ANGPT1: variants seen among roughly 807,000 people sequenced by gnomAD.
ANGPT1 encodes the protein angiopoietin 1, also known as angiopoietin-1.
ANGPT1 carries 17 observed loss-of-function variants against 62.2 expected under a neutral mutation model. The ratio of observed to expected loss-of-function variants is 0.27; its 90% CI spans 0.19 to 0.41. The LOEUF is 0.41. ANGPT1 is among the 10% of genes least tolerant of loss of function. The pLI, the probability that ANGPT1 is intolerant of heterozygous loss-of-function variation, is 1.00. For missense variants in ANGPT1, 478 were observed against 594.9 expected (o/e 0.80, Z 2.04); for synonymous variants, 199 against 198.9 (o/e 1.00, Z 0.00).
intron 4 of ANGPT1, among the ~76,000 whole-genome samples, chr8:107,317,634 AT>A (rs34242211): frequency 0.78 from 104,208 of 134,032 alleles, 38,247 homozygotes; most frequent in East Asian, 0.82. Flanking sequence ...TTTTATTTTT[AT>A]TTTTTTTTTT....
intron 2 of ANGPT1, among the ~76,000 whole-genome samples, chr8:107,338,020 T>A (rs182040165): frequency 8.8e-4 from 134 of 152,198 alleles, no homozygotes; most frequent in African/African-American, 3.2e-3. Flanking sequence ...CACTTGGGCC[T>A]GGCAGGCAGA....
intron 3 of ANGPT1, among the ~76,000 whole-genome samples, chr8:107,333,743 C>A (rs535970930): frequency 3.9e-4 from 59 of 151,860 alleles, no homozygotes; most frequent in African/African-American, 1.4e-3. Context: ...CTCACTTTTA[C>A]TGATAGAGCA....
chr8:107,429,905 G>A (rs1811136252), intron 1 of ANGPT1, among the ~76,000 whole-genome samples: 1 of 152,046 alleles, frequency 6.6e-6, no homozygotes. Flanking sequence ...CAATAAAAAG[G>A]TAACAAAAAG....
intron 1 of ANGPT1, among the ~76,000 whole-genome samples, chr8:107,408,678 C>A (rs1471183277): frequency 2.0e-5 from 3 of 152,122 alleles, no homozygotes; most frequent in Non-Finnish European, 4.4e-5. Context: ...GGAGTAGACA[C>A]AAGCAAGCAG....
intron 1 of ANGPT1, among the ~76,000 whole-genome samples, chr8:107,486,617 A>C (rs1213312357): frequency 6.6e-6 from 1 of 152,142 alleles, no homozygotes; most frequent in Non-Finnish European, 1.5e-5. Context: ...GCTTGCACTT[A>C]ATAACTCTAT....
intron 2 of ANGPT1, 190 bp from the exon 3 acceptor site, chr8:107,336,461 C>A (rs555590128): frequency 1.3e-6 from 1 of 778,620 alleles, no homozygotes; most frequent in Non-Finnish European, 1.7e-6. Flanking sequence ...GTCAAGAGAT[C>A]GAGACCATCC....
intron 1 of ANGPT1, among the ~76,000 whole-genome samples, chr8:107,399,528 C>T (rs1040390746): frequency 1.2e-4 from 18 of 152,072 alleles, no homozygotes; most frequent in Admixed American, 3.9e-4. Context: ...CCATTAAAAA[C>T]GCATCATTTA....
chr8:107,423,694 C>A (rs1011191617), intron 1 of ANGPT1, among the ~76,000 whole-genome samples: 3 of 152,132 alleles, frequency 2.0e-5, no homozygotes, highest in Non-Finnish European at 4.4e-5. Flanking sequence ...TTACCTAGCA[C>A]ACAGTACTCG....
At chr8:107,348,516 T>C (rs1174428393) in intron 1 of ANGPT1, among the ~76,000 whole-genome samples, 1 of 152,032 alleles carries the variant, frequency 6.6e-6, no homozygotes, top group Non-Finnish European at 1.5e-5. Flanking sequence ...CATTCATTTT[T>C]CCCCCAAATT....
At chr8:107,279,771 A>AG (rs5893835) in intron 7 of ANGPT1, among the ~76,000 whole-genome samples, 46 of 151,206 alleles carry the variant, frequency 3.0e-4, no homozygotes, top group East Asian at 5.9e-4. Flanking sequence ...ACTCAAAGGA[A>AG]GGGGGGGGGA....
At chr8:107,281,766 GA>G (rs1285621496) in intron 7 of ANGPT1, among the ~76,000 whole-genome samples, 1 of 152,134 alleles carries the variant, frequency 6.6e-6, no homozygotes, top group East Asian at 1.9e-4. Flanking sequence ...CGATAAGAGT[GA>G]GACTCCGTCT....
intron 1 of ANGPT1, among the ~76,000 whole-genome samples, chr8:107,353,805 G>A (rs1815983552): frequency 1.3e-5 from 2 of 152,096 alleles, no homozygotes; most frequent in Non-Finnish European, 2.9e-5. Flanking sequence ...ATAGAAACAC[G>A]TGAATGAGTC....
intron 6 of ANGPT1, among the ~76,000 whole-genome samples, chr8:107,287,657 A>C (rs934774547): frequency 2.6e-5 from 4 of 152,186 alleles, no homozygotes; most frequent in African/African-American, 9.7e-5. Flanking sequence ...TGTCTTTTGG[A>C]TAGTTTACCA....
Position 107,321,976 on chromosome 8 carries a change from T to G in ANGPT1, c.728A>C (p.Asn243Thr), listed in dbSNP as rs1815160735. The G allele has an allele frequency of 1.9e-6, 3 of 1,614,028 alleles. No homozygotes were observed. The highest frequency in any genetic ancestry group is 2.5e-6 in the Non-Finnish European group (3 of 1,179,910). ...LEKQLNRATT[N>T]NSVLQKQQLE... is the part of the protein sequence containing the mutation. ...TTGCTGCTTCTGAAGGACACTGTTG[T>G]TGGTGGTAGCTCTGTTTAATTGCTT... The change falls in exon 4 of 9, where the codon AAC becomes ACC. Residue 243 changes from asparagine (N) to threonine (T), a missense_variant. Coordinates refer to ENST00000517746, the MANE Select transcript of ANGPT1 (RefSeq NM_001146.5).
chr8:107,352,453 T>G (rs1458921898), intron 1 of ANGPT1, among the ~76,000 whole-genome samples: 2 of 152,172 alleles, frequency 1.3e-5, no homozygotes, highest in African/African-American at 4.8e-5. Context: ...AGGGGAGAAC[T>G]GATGCTATCA....
intron 2 of ANGPT1, among the ~76,000 whole-genome samples, chr8:107,345,204 G>A (rs192656351): frequency 1.1e-3 from 162 of 152,228 alleles, no homozygotes; most frequent in Middle Eastern, 3.4e-3. Flanking sequence ...TCTTAAAATT[G>A]TTCTCACTGT....
At chr8:107,380,013 CAT>C (rs763528599) in intron 1 of ANGPT1, among the ~76,000 whole-genome samples, 18 of 152,094 alleles carry the variant, frequency 1.2e-4, no homozygotes, top group Non-Finnish European at 2.2e-4. Flanking sequence ...AGCGCGCACA[CAT>C]GTTATAACTA....
intron 1 of ANGPT1, among the ~76,000 whole-genome samples, chr8:107,493,890 A>C (rs1450178809): frequency 1.3e-5 from 2 of 150,498 alleles, no homozygotes; most frequent in Non-Finnish European, 3.0e-5. Context: ...TTAACTCTGA[A>C]GAAAAGAATA....
chr8:107,407,386 C>T (rs1316018645), intron 1 of ANGPT1, among the ~76,000 whole-genome samples: 1 of 151,946 alleles, frequency 6.6e-6, no homozygotes, highest in Non-Finnish European at 1.5e-5. Flanking sequence ...GGATGAACTG[C>T]TTTTGAATTT....
Sources: allele counts gnomAD v4.1 joint callset (sites outside exome capture counted in the v4.1 genomes callset), GRCh38; gene constraint gnomAD v4.1.1; transcripts MANE v1.5; gene names NCBI Gene and HGNC (gene_info 2026-07-23, HGNC 2026-07-21).